Variants in RSPO3 observed in about 807,000 individuals in gnomAD.
The protein encoded by RSPO3 is R-spondin 3, also known as R-spondin-3.
A neutral mutation model predicts 36.5 loss-of-function variants in RSPO3; 17 were observed. That is an observed-to-expected ratio of 0.47 (90% CI 0.32 to 0.70). The LOEUF (loss-of-function observed/expected upper bound fraction) is 0.70. Among genes scored for constraint, RSPO3 ranks in the 30% least tolerant of loss-of-function variants. RSPO3 has a pLI of 0.04. For missense variants in RSPO3, 294 were observed against 322.5 expected (o/e 0.91, Z 0.68); for synonymous variants, 108 against 107.0 (o/e 1.01, Z -0.06).
At chr6:127,151,806 G>A (rs1774495991) in intron 3 of RSPO3, among the ~76,000 whole-genome samples, 1 of 151,996 alleles carries the variant, frequency 6.6e-6, no homozygotes, top group Non-Finnish European at 1.5e-5. Context: ...CTTAGGAATA[G>A]GGTAAAAAGT....
chr6:127,190,003 T>A (rs1397614386), intron 4 of RSPO3, among the ~76,000 whole-genome samples: 1 of 152,162 alleles, frequency 6.6e-6, no homozygotes, highest in African/African-American at 2.4e-5. Flanking sequence ...CATTTCTCAA[T>A]TTACTTGATA....
Position 127,120,819 on chromosome 6 carries a change from A to C in RSPO3, c.97+1530A>C, listed in dbSNP as rs1047904597. Among the ~76,000 whole-genome samples, 7 of 152,330 alleles carry C rather than the reference A, an allele frequency of 4.6e-5. No homozygotes were observed. In the East Asian group the frequency reaches 5.8e-4, roughly 13 times the overall value. Reference sequence around the variant, plus strand: ...CAGGAGAGCCCAAACTAAATATGTCAGGGCATCCGATTTATTATTCTTGGC... The same window carrying C: ...CAGGAGAGCCCAAACTAAATATGTCCGGGCATCCGATTTATTATTCTTGGC... On this transcript the variant is annotated intron_variant, in intron 1 of 4. Transcript: ENST00000356698.
chr6:127,176,329 ATC>A (rs1274129413), intron 4 of RSPO3, among the ~76,000 whole-genome samples: 3 of 151,844 alleles, frequency 2.0e-5, no homozygotes, highest in African/African-American at 7.2e-5. Context: ...CATGCAATTA[ATC>A]TCAGAGTGGG....
chr6:127,121,322 CACCTCTAGGTTGGGCCGAG>C (rs1357742764), intron 1 of RSPO3, among the ~76,000 whole-genome samples: 1 of 152,238 alleles, frequency 6.6e-6, no homozygotes, highest in Non-Finnish European at 1.5e-5. Flanking sequence ...TGGGATGATG[CACCTCTAGGTTGGGCCGAG>C]AGGAGTCAAA....
intron 3 of RSPO3, 29 bp from the exon 4 acceptor site, chr6:127,155,212 C>G: frequency 6.2e-7 from 1 of 1,607,762 alleles, no homozygotes; most frequent in Non-Finnish European, 8.5e-7. Context: ...TGTAAGCCAG[C>G]TGAGTCTGTT....
At chr6:127,174,641 GTC>G (rs1775012426) in intron 4 of RSPO3, among the ~76,000 whole-genome samples, 1 of 43,284 alleles carries the variant, frequency 2.3e-5, no homozygotes, top group Non-Finnish European at 6.4e-5. Context: ...AATGGAACTA[GTC>G]TTACTCTGTT....
intron 4 of RSPO3, among the ~76,000 whole-genome samples, chr6:127,164,299 C>T (rs1774770328): frequency 6.6e-6 from 1 of 152,008 alleles, no homozygotes; most frequent in Non-Finnish European, 1.5e-5. Context: ...CTGACAAAAA[C>T]ACAACAGATG....
chr6:127,171,222 C>CT (rs35518153), intron 4 of RSPO3, among the ~76,000 whole-genome samples: 26 of 151,768 alleles, frequency 1.7e-4, no homozygotes, highest in African/African-American at 5.8e-4. Context: ...TTCCTGTGGA[C>CT]TTTTTGCCAC....
intron 1 of RSPO3, among the ~76,000 whole-genome samples, chr6:127,141,813 G>C (rs936346140): frequency 6.6e-6 from 1 of 152,114 alleles, no homozygotes; most frequent in Non-Finnish European, 1.5e-5. Flanking sequence ...AATAGAATTT[G>C]TATGTAGGTG....
intron 2 of RSPO3, among the ~76,000 whole-genome samples, chr6:127,149,296 T>A (rs1172280360): frequency 6.6e-6 from 1 of 152,122 alleles, no homozygotes; most frequent in Non-Finnish European, 1.5e-5. Flanking sequence ...TTTTTCACAC[T>A]GCAGACCCAG....
chr6:127,133,748 G>A (rs72959041), intron 1 of RSPO3, among the ~76,000 whole-genome samples: 4,822 of 152,102 alleles, frequency 0.032, 105 homozygotes, highest in Non-Finnish European at 0.048. Context: ...CTTGTTAGGG[G>A]AAAAATATGG....
chr6:127,144,643 G>GTTTTTTTTTTGTTTTTTTTTTTTTTT (rs1554220624), intron 1 of RSPO3, among the ~76,000 whole-genome samples: 3 of 99,130 alleles, frequency 3.0e-5, no homozygotes, highest in African/African-American at 1.2e-4. Context: ...GCTTCCCCTT[G>GTTTTTTTTTTGTTTTTTTTTTTTTTT]TTTTTTTTTT....
chr6:127,171,164 C>G (rs990996248), intron 4 of RSPO3, among the ~76,000 whole-genome samples: 2 of 151,714 alleles, frequency 1.3e-5, no homozygotes, highest in Non-Finnish European at 3.0e-5. Context: ...TTTCTAAAAC[C>G]TCTTTTATAT....
chr6:127,177,340 G>A (rs138650030), intron 4 of RSPO3, among the ~76,000 whole-genome samples: 2 of 151,934 alleles, frequency 1.3e-5, no homozygotes, highest in African/African-American at 2.4e-5. Context: ...TTTCTTAGCT[G>A]TACAGAAGGG....
rs1774287656 is a variant in RSPO3 at position 127,142,253 on chromosome 6, G to T, written c.98-6395G>T. Among the ~76,000 whole-genome samples the T allele has an allele frequency of 2.0e-5, 3 of 152,128 alleles. No individual in the cohort carries two copies. The South Asian group carries it at 6.2e-4, about 32-fold the overall frequency. On this transcript the variant is annotated intron_variant, in intron 1 of 4. Transcript: ENST00000356698. ...TATCTATACCTAACTTTCTCAAGTT[G>T]CCTAAATGGTTGTGGAGACCTAGCC...
chr6:127,144,541 G>C (rs1389595618), intron 1 of RSPO3, among the ~76,000 whole-genome samples: 1 of 151,494 alleles, frequency 6.6e-6, no homozygotes, highest in African/African-American at 2.4e-5. Flanking sequence ...GAAATTCAAA[G>C]TATTGTTTAA....
At chr6:127,193,922 T>C (rs1436561396) in intron 4 of RSPO3, among the ~76,000 whole-genome samples, 2 of 152,204 alleles carry the variant, frequency 1.3e-5, no homozygotes, top group East Asian at 1.9e-4. Context: ...GCCTCTAATG[T>C]TGTTTGTTCC....
chr6:127,134,217 G>A (rs1423881089), intron 1 of RSPO3, among the ~76,000 whole-genome samples: 1 of 152,092 alleles, frequency 6.6e-6, no homozygotes, highest in South Asian at 2.1e-4. Flanking sequence ...CAATGAATAG[G>A]ACTCATTACT....
chr6:127,159,205 T>G (rs938459913), intron 4 of RSPO3, among the ~76,000 whole-genome samples: 4 of 152,204 alleles, frequency 2.6e-5, no homozygotes, highest in African/African-American at 9.6e-5. Flanking sequence ...AAACACATTT[T>G]TCATTCATTT....
Sources: gnomAD v4.1 joint callset for allele counts (sites outside exome capture counted in the v4.1 genomes callset) on GRCh38, gnomAD v4.1.1 for gene constraint, MANE v1.5 for transcripts, NCBI Gene and HGNC (gene_info 2026-07-23, HGNC 2026-07-21) for gene names.